FIRRM: variants seen among roughly 807,000 people sequenced by gnomAD.
The protein encoded by FIRRM is FIGNL1 interacting regulator of recombination and mitosis.
At chr1:169,852,209 C>T in the FIRRM span, 4 of 430,586 alleles carry the variant, frequency 9.3e-6, no homozygotes, top group African/African-American at 6.1e-5. Context: ...TAAATGCAGT[C>T]TTTACTGAAC....
At chr1:169,786,108 A>G in the FIRRM span, among the ~76,000 whole-genome samples, 3 of 152,190 alleles carry the variant, frequency 2.0e-5, no homozygotes, top group Non-Finnish European at 4.4e-5. Flanking sequence ...CAGAAACACA[A>G]AGAGGGAGGT....
the FIRRM span, chr1:169,832,566 T>A: frequency 8.6e-7 from 1 of 1,169,560 alleles, no homozygotes; most frequent in Non-Finnish European, 1.3e-6. Flanking sequence ...GGATTCAGAC[T>A]CCTTTGATAG....
At chr1:169,837,958 A>G in the FIRRM span, among the ~76,000 whole-genome samples, 1 of 151,980 alleles carries the variant, frequency 6.6e-6, no homozygotes, top group Non-Finnish European at 1.5e-5. Context: ...TTTGGCGGGG[A>G]TGAGGTTTCG....
chr1:169,795,075 G>T, the FIRRM span: 13 of 1,521,196 alleles, frequency 8.5e-6, no homozygotes, highest in African/African-American at 1.7e-4. Context: ...GGCGGGTCTG[G>T]TTTGAAGCTC....
chr1:169,843,155 T>C, the FIRRM span, among the ~76,000 whole-genome samples: 1 of 152,230 alleles, frequency 6.6e-6, no homozygotes, highest in Non-Finnish European at 1.5e-5. Context: ...ATAGATATGA[T>C]TTTACAGATA....
At chr1:169,815,814 C>T in the FIRRM span, among the ~76,000 whole-genome samples, 2 of 152,196 alleles carry the variant, frequency 1.3e-5, no homozygotes, top group Admixed American at 1.3e-4. Flanking sequence ...TAAAACACCT[C>T]TGACATATTT....
chr1:169,846,424 C>T, the FIRRM span, among the ~76,000 whole-genome samples: 3 of 152,162 alleles, frequency 2.0e-5, no homozygotes, highest in African/African-American at 7.2e-5. Context: ...GACTTCACCC[C>T]TCTAGCTATG....
At chr1:169,820,786 C>T in the FIRRM span, among the ~76,000 whole-genome samples, 6 of 152,024 alleles carry the variant, frequency 3.9e-5, no homozygotes, top group African/African-American at 9.7e-5. Flanking sequence ...CAGTATTGTC[C>T]CTACAGGGTT....
At chr1:169,846,870 A>G in the FIRRM span, among the ~76,000 whole-genome samples, 1 of 152,176 alleles carries the variant, frequency 6.6e-6, no homozygotes. Context: ...TAACTTGCAA[A>G]AGAGGCCTAG....
the FIRRM span, among the ~76,000 whole-genome samples, chr1:169,842,217 TTC>T: frequency 6.6e-6 from 1 of 151,966 alleles, no homozygotes; most frequent in Non-Finnish European, 1.5e-5. Context: ...AAGCAAATGT[TTC>T]TGTGTACAAG....
At chr1:169,802,339 A>G in the FIRRM span, among the ~76,000 whole-genome samples, 1 of 152,160 alleles carries the variant, frequency 6.6e-6, no homozygotes, top group Non-Finnish European at 1.5e-5. Flanking sequence ...TAAAACATGA[A>G]CTTTGAGTGA....
At chr1:169,812,990 T>C in the FIRRM span, among the ~76,000 whole-genome samples, 1 of 152,296 alleles carries the variant, frequency 6.6e-6, no homozygotes, top group South Asian at 2.1e-4. Flanking sequence ...ACCATCCAAC[T>C]CTGTTTTGAT....
At chr1:169,795,061 C>T in the FIRRM span, 3 of 1,476,050 alleles carry the variant, frequency 2.0e-6, no homozygotes, top group South Asian at 3.6e-5. Flanking sequence ...CCGGTCTGGG[C>T]TTTGGCGGGT....
chr1:169,841,543 A>C, the FIRRM span, among the ~76,000 whole-genome samples: 1 of 152,202 alleles, frequency 6.6e-6, no homozygotes, highest in Non-Finnish European at 1.5e-5. Context: ...CACACCTCAA[A>C]CAACCTCATT....
the FIRRM span, among the ~76,000 whole-genome samples, chr1:169,796,233 G>C: frequency 6.6e-6 from 1 of 152,182 alleles, no homozygotes; most frequent in African/African-American, 2.4e-5. Flanking sequence ...GTTTCAACTT[G>C]AAAACAAATA....
the FIRRM span, among the ~76,000 whole-genome samples, chr1:169,810,913 G>A: frequency 7.6e-6 from 1 of 130,964 alleles, no homozygotes; most frequent in African/African-American, 2.9e-5. Flanking sequence ...ACTGCGGACT[G>A]CAGTGGCGCA....
At chr1:169,827,977 A>G in the FIRRM span, 2 of 809,140 alleles carry the variant, frequency 2.5e-6, no homozygotes, top group African/African-American at 3.4e-5. Flanking sequence ...GTAGACACAC[A>G]TATATATTGC....
the FIRRM span, among the ~76,000 whole-genome samples, chr1:169,787,157 A>T: frequency 3.9e-5 from 6 of 152,244 alleles, no homozygotes; most frequent in Admixed American, 1.3e-4. Context: ...GCTCATTTTG[A>T]TGCTTTCCCT....
chr1:169,818,709 CAG>C, the FIRRM span, among the ~76,000 whole-genome samples: 1 of 152,070 alleles, frequency 6.6e-6, no homozygotes, highest in Non-Finnish European at 1.5e-5. Context: ...TATTTTGAGA[CAG>C]AGTCTTGCTC....
Sources: gnomAD v4.1 joint callset for allele counts (sites outside exome capture counted in the v4.1 genomes callset) on GRCh38, gnomAD v4.1.1 for gene constraint, MANE v1.5 for transcripts, NCBI Gene and HGNC (gene_info 2026-07-23, HGNC 2026-07-21) for gene names.